GAB2: variants seen among roughly 807,000 people sequenced by gnomAD.
GAB2 encodes GRB2-associated-binding protein 2.
A neutral mutation model predicts 65.5 loss-of-function variants in GAB2; 26 were observed. The observed-to-expected ratio is 0.40, with a 90% confidence interval of 0.29 to 0.55. GAB2 has a LOEUF of 0.55. Ranked by LOEUF, GAB2 falls within the 20% of genes least tolerant of loss-of-function variation. The pLI is 0.53. For synonymous variants in GAB2, 321 were observed against 329.6 expected, an observed-to-expected ratio of 0.97 and a Z score of 0.28; for missense variants, 884 against 875.8, an observed-to-expected ratio of 1.01 and a Z score of -0.12.
In GAB2 at chr11:78,312,104, G is replaced by A. The variant is rs955584742; in HGVS notation, c.76-31203C>T. On this transcript the variant is annotated intron_variant, in intron 1 of 9. Transcript: ENST00000361507. ...TGTCACAGGGCAGCACATTACATAAGATGCCCTGAACTGAGGGCACAACCA... is the reference window on the plus strand; with the variant it reads ...TGTCACAGGGCAGCACATTACATAAAATGCCCTGAACTGAGGGCACAACCA... 4.0e-5 allele frequency among the ~76,000 whole-genome samples: 6 copies of A among 150,918 alleles called. No homozygotes were observed. The South Asian group carries it at 1.0e-3, about 26-fold the overall frequency.
At chr11:78,301,750 A>T (rs1867025285) in intron 1 of GAB2, among the ~76,000 whole-genome samples, 1 of 152,216 alleles carries the variant, frequency 6.6e-6, no homozygotes. Flanking sequence ...AAGGCTAAGC[A>T]AAGAACAAAT....
At chr11:78,306,783 C>T (rs1372954584) in intron 1 of GAB2, among the ~76,000 whole-genome samples, 1 of 152,166 alleles carries the variant, frequency 6.6e-6, no homozygotes, top group Non-Finnish European at 1.5e-5. Context: ...AAATTCCAGC[C>T]TTTACTTATT....
At chr11:78,277,629 A>G (rs920782915) in intron 2 of GAB2, among the ~76,000 whole-genome samples, 2 of 152,234 alleles carry the variant, frequency 1.3e-5, no homozygotes, top group African/African-American at 4.8e-5. Flanking sequence ...GAATGCCTCA[A>G]GTGGGCATGT....
chr11:78,220,675 T>G (rs894611911), intron 8 of GAB2, among the ~76,000 whole-genome samples: 3 of 152,328 alleles, frequency 2.0e-5, no homozygotes, highest in South Asian at 4.1e-4. Flanking sequence ...TTCACTTTAC[T>G]TTCAGAGAAG....
intron 1 of GAB2, among the ~76,000 whole-genome samples, chr11:78,396,753 G>A (rs1340676081): frequency 6.6e-6 from 1 of 152,094 alleles, no homozygotes; most frequent in Admixed American, 6.6e-5. Flanking sequence ...ATGTGCCACT[G>A]TGCCCGACTA....
At chr11:78,372,919 A>G (rs1331850088) in intron 1 of GAB2, among the ~76,000 whole-genome samples, 4 of 151,970 alleles carry the variant, frequency 2.6e-5, no homozygotes, top group African/African-American at 9.7e-5. Context: ...TGTCTTCCCT[A>G]TTTTTACATT....
At chr11:78,412,311 C>A (rs1857140485) in intron 1 of GAB2, among the ~76,000 whole-genome samples, 2 of 152,176 alleles carry the variant, frequency 1.3e-5, no homozygotes, top group South Asian at 4.1e-4. Flanking sequence ...TGTGGTACAT[C>A]CATACCATGA....
chr11:78,242,618 T>G (rs1818451263), intron 3 of GAB2, among the ~76,000 whole-genome samples: 1 of 152,072 alleles, frequency 6.6e-6, no homozygotes, highest in Non-Finnish European at 1.5e-5. Context: ...ATAGAGAAGT[T>G]TATGGCAATA....
In GAB2 at chr11:78,401,510, G is replaced by C. The variant is rs1008751542; in HGVS notation, c.75+16136C>G. ...TTTTAAGGCTGAACAGTATTCGTGT[G>C]TGTGTGTGTGTGTGTGTGTGTGTGT... On this transcript the variant is annotated intron_variant, in intron 1 of 9. Coordinates refer to ENST00000361507, the MANE Select transcript of GAB2 (RefSeq NM_080491.3). 2.8e-3 allele frequency among the ~76,000 whole-genome samples: 369 copies of C among 133,418 alleles called. 6 individuals are homozygous for C. The highest frequency in any genetic ancestry group is 0.011 in the African/African-American group (349 of 32,994). 87.5% of individuals were successfully genotyped at this position (133,418 alleles called of 152,430 possible). A position where few individuals can be genotyped will look rare whatever the true frequency, so the allele number is the denominator to read the frequency against.
intron 1 of GAB2, among the ~76,000 whole-genome samples, chr11:78,353,745 G>A (rs796868816): frequency 1.5e-4 from 23 of 152,274 alleles, no homozygotes; most frequent in African/African-American, 5.5e-4. Context: ...GTATTGGACA[G>A]TGCAGCTCTA....
intron 1 of GAB2, among the ~76,000 whole-genome samples, chr11:78,339,849 T>A (rs550845903): frequency 1.2e-3 from 185 of 152,350 alleles, no homozygotes; most frequent in Non-Finnish European, 2.2e-3. Flanking sequence ...GCCTTTTGTT[T>A]CCTTTTGAAG....
chr11:78,404,736 C>T (rs893657802), intron 1 of GAB2, among the ~76,000 whole-genome samples: 2 of 151,948 alleles, frequency 1.3e-5, no homozygotes, highest in Non-Finnish European at 2.9e-5. Flanking sequence ...GAAACAATAA[C>T]GATTATCAGA....
At chr11:78,328,236 A>C (rs1434928256) in intron 1 of GAB2, among the ~76,000 whole-genome samples, 1 of 152,212 alleles carries the variant, frequency 6.6e-6, no homozygotes, top group East Asian at 1.9e-4. Context: ...TGGGATGACA[A>C]AAACAATTTC....
chr11:78,289,661 A>C (rs1374973113), intron 1 of GAB2, among the ~76,000 whole-genome samples: 1 of 152,152 alleles, frequency 6.6e-6, no homozygotes, highest in East Asian at 1.9e-4. Flanking sequence ...ATAATACGCT[A>C]GTAGACCACT....
Position 78,226,619 on chromosome 11 carries a change from G to GGGGGGGGGGGGGGGGGGGGGCC in GAB2, c.1052_1053insGGCCCCCCCCCCCCCCCCCCCC (p.Pro352AlafsTer33). 2 of 952,126 alleles carry GGGGGGGGGGGGGGGGGGGGGCC rather than the reference G, an allele frequency of 2.1e-6. No individual in the cohort carries two copies. The highest frequency in any genetic ancestry group is 1.7e-5 in the African/African-American group (1 of 60,292). The allele number at this position is 952,126 out of a possible 1,614,324, so 59.0% of individuals were successfully genotyped here. A position where few individuals can be genotyped will look rare whatever the true frequency, so the allele number is the denominator to read the frequency against. The stretch of plus-strand genomic sequence containing the variant: ...GACTTGGCTTGGGGGGGCGGGGTGG[G>GGGGGGGGGGGGGGGGGGGGGCC]GGAGCTATGGCTGAGTCCCCAGGAG... On this transcript the variant is annotated frameshift_variant, in exon 4 of 10. Transcript: ENST00000361507. LOFTEE classifies it high-confidence loss of function.
At chr11:78,228,318 G>GA (rs1864747485) in intron 3 of GAB2, among the ~76,000 whole-genome samples, 1 of 152,210 alleles carries the variant, frequency 6.6e-6, no homozygotes, top group African/African-American at 2.4e-5. Context: ...TTCTTCATAG[G>GA]ATTTCACTTG....
rs1012998496 is a variant in GAB2 at position 78,223,680 on chromosome 11, G to C, written c.1303-4C>G. 6.3e-7 allele frequency: 1 copy of C among 1,589,452 alleles called. No homozygotes were observed. The highest frequency in any genetic ancestry group is 8.6e-7 in the Non-Finnish European group (1 of 1,166,582). ...GGCCCACAATCATTTTCCCTGGCTA[G>C]GGAGAGGAACAGTGAAAGAAATACA... On this transcript the variant is annotated splice_polypyrimidine_tract_variant and splice_region_variant and intron_variant, in intron 5 of 9. Coordinates refer to ENST00000361507, the MANE Select transcript of GAB2 (RefSeq NM_080491.3).
At chr11:78,265,200 C>CCA (rs1262465788) in intron 2 of GAB2, among the ~76,000 whole-genome samples, 2 of 29,312 alleles carry the variant, frequency 6.8e-5, no homozygotes, top group Non-Finnish European at 1.7e-4. Context: ...GCCTTCTATA[C>CCA]CACATATATA....
At chr11:78,393,693 G>A (rs1350368388) in intron 1 of GAB2, among the ~76,000 whole-genome samples, 1 of 152,176 alleles carries the variant, frequency 6.6e-6, no homozygotes, top group Non-Finnish European at 1.5e-5. Flanking sequence ...TTATAAAATA[G>A]CGGAAAATAG....
Sources: gnomAD v4.1 joint callset for allele counts (sites outside exome capture counted in the v4.1 genomes callset) on GRCh38, gnomAD v4.1.1 for gene constraint, MANE v1.5 for transcripts, NCBI Gene and HGNC (gene_info 2026-07-23, HGNC 2026-07-21) for gene names.